The following ERC2 variants were observed in gnomAD, a reference collection of about 807,000 sequenced individuals.
ERC2 encodes the protein ERC protein 2.
In ERC2, 42 loss-of-function variants were observed where a neutral mutation model predicts 114.8. That is an observed-to-expected ratio of 0.37 (90% confidence interval 0.29 to 0.47). ERC2 has a LOEUF of 0.47. Ranked by LOEUF, ERC2 falls within the 20% of genes least tolerant of loss-of-function variation. The pLI is 0.99. For synonymous variants in ERC2, 454 were observed against 425.5 expected, an observed-to-expected ratio of 1.07 and a Z score of -0.82; for missense variants, 939 against 1,150.7, an observed-to-expected ratio of 0.82 and a Z score of 2.66.
intron 3 of ERC2, among the ~76,000 whole-genome samples, chr3:56,280,286 G>A (rs2054262353): frequency 6.6e-6 from 1 of 152,140 alleles, no homozygotes; most frequent in Admixed American, 6.5e-5. Context: ...CTTGATCTTA[G>A]CCCAGTGAAA....
intron 7 of ERC2, 35 bp from the exon 8 acceptor site, chr3:56,019,066 G>T (rs767490308): frequency 1.3e-6 from 2 of 1,540,852 alleles, no homozygotes; most frequent in Non-Finnish European, 1.8e-6. Flanking sequence ...ATGCATATTT[G>T]ATTACATATC....
intron 2 of ERC2, among the ~76,000 whole-genome samples, chr3:56,315,827 A>C (rs1318763193): frequency 3.3e-5 from 5 of 152,072 alleles, no homozygotes; most frequent in Non-Finnish European, 7.4e-5. Context: ...AGGGATATAA[A>C]GAAAGTATCC....
At chr3:56,066,044 A>C (rs1262242578) in intron 7 of ERC2, among the ~76,000 whole-genome samples, 1 of 152,182 alleles carries the variant, frequency 6.6e-6, no homozygotes, top group Non-Finnish European at 1.5e-5. Context: ...AACGATTTAT[A>C]TTCCTTTGGG....
chr3:55,777,170 G>T (rs766660898), intron 14 of ERC2, among the ~76,000 whole-genome samples: 2 of 152,232 alleles, frequency 1.3e-5, no homozygotes, highest in Non-Finnish European at 2.9e-5. Flanking sequence ...AGAGGCACCT[G>T]GCACCCTGTG....
At chr3:56,107,809 T>C (rs1012722754) in intron 6 of ERC2, among the ~76,000 whole-genome samples, 3 of 152,240 alleles carry the variant, frequency 2.0e-5, no homozygotes, top group Non-Finnish European at 4.4e-5. Flanking sequence ...AAATAGTAAC[T>C]GATTCCTACT....
At chr3:56,179,305 G>A (rs1352906580) in intron 3 of ERC2, among the ~76,000 whole-genome samples, 1 of 152,134 alleles carries the variant, frequency 6.6e-6, no homozygotes. Context: ...GAAGTGCAGG[G>A]GTGGGTGGGA....
intron 1 of ERC2, among the ~76,000 whole-genome samples, chr3:56,464,886 G>GAA (rs572140708): frequency 5.8e-5 from 8 of 138,002 alleles, no homozygotes; most frequent in South Asian, 2.3e-4. Context: ...AAAGAAAAAA[G>GAA]AAAAAAAAAA....
intron 17 of ERC2, among the ~76,000 whole-genome samples, chr3:55,618,037 G>A (rs754036529): frequency 4.6e-5 from 7 of 152,052 alleles, no homozygotes; most frequent in South Asian, 2.1e-4. Context: ...TACAAATCTC[G>A]GTGGTGGGAG....
chr3:56,200,971 A>C (rs2048373346), intron 3 of ERC2, among the ~76,000 whole-genome samples: 1 of 152,222 alleles, frequency 6.6e-6, no homozygotes, highest in South Asian at 2.1e-4. Flanking sequence ...TTTAATGGGC[A>C]ATTACTATGT....
chr3:56,023,129 T>C (rs1038845126), intron 7 of ERC2, among the ~76,000 whole-genome samples: 4 of 152,176 alleles, frequency 2.6e-5, no homozygotes, highest in African/African-American at 9.7e-5. Flanking sequence ...CACACAAGTG[T>C]AGTCCTCAGC....
intron 3 of ERC2, 51 bp downstream of exon 3, chr3:56,295,966 CAT>C: frequency 1.0e-5 from 15 of 1,489,170 alleles, no homozygotes; most frequent in Non-Finnish European, 1.3e-5. Context: ...AACTTGATAA[CAT>C]ATTTTCACTT....
intron 1 of ERC2, among the ~76,000 whole-genome samples, chr3:56,460,143 T>G (rs1356859309): frequency 2.6e-5 from 4 of 152,202 alleles, no homozygotes; most frequent in African/African-American, 9.6e-5. Flanking sequence ...CTTCCCCAGC[T>G]GAAAGAATGA....
At chr3:56,374,813 C>T (rs1018317030) in intron 2 of ERC2, among the ~76,000 whole-genome samples, 1 of 152,154 alleles carries the variant, frequency 6.6e-6, no homozygotes, top group Non-Finnish European at 1.5e-5. Flanking sequence ...AGGCTACAAC[C>T]ACCAACACAA....
At chr3:56,141,135 T>C (rs1377327254) in intron 5 of ERC2, among the ~76,000 whole-genome samples, 3 of 152,238 alleles carry the variant, frequency 2.0e-5, no homozygotes, top group Non-Finnish European at 2.9e-5. Flanking sequence ...CTTATGTCAC[T>C]GGTCTTTTAC....
chr3:55,702,592 C>T (rs564609029), intron 15 of ERC2, among the ~76,000 whole-genome samples: 15 of 152,000 alleles, frequency 9.9e-5, no homozygotes, highest in South Asian at 6.3e-4. Flanking sequence ...CCAATTATAC[C>T]GGTTTACACA....
At chr3:56,076,389 T>C in intron 7 of ERC2, among the ~76,000 whole-genome samples, 1 of 151,966 alleles carries the variant, frequency 6.6e-6, no homozygotes, top group East Asian at 1.9e-4. Context: ...CCTAAAATCC[T>C]GGGCATTATA....
chr3:56,109,388 T>C (rs1235738746), intron 6 of ERC2, among the ~76,000 whole-genome samples: 1 of 152,216 alleles, frequency 6.6e-6, no homozygotes, highest in Non-Finnish European at 1.5e-5. Context: ...TTCCATGCTG[T>C]ATATGTACCA....
At position 56,082,752 on chromosome 3, in the gene ERC2, G is replaced by A. The variant is rs151092142; in HGVS notation, c.1474-1768C>T. On this transcript the variant is annotated intron_variant, in intron 6 of 17. Coordinates refer to ENST00000288221, the MANE Select transcript of ERC2 (RefSeq NM_015576.3). ...GGTCCCCAACCCTTGGACCAGTTCC[G>A]GTCCAGGGCCTGTTAGGAACCAGGC... Among the ~76,000 whole-genome samples the A allele has an allele frequency of 8.5e-5, 13 of 152,180 alleles. No individual in the cohort carries two copies. The East Asian group carries it at 9.7e-4, about 11-fold the overall frequency.
intron 3 of ERC2, among the ~76,000 whole-genome samples, chr3:56,196,911 A>T (rs1488407409): frequency 6.6e-6 from 1 of 152,138 alleles, no homozygotes; most frequent in Non-Finnish European, 1.5e-5. Context: ...TGGGAATAAC[A>T]CTGCTAATCC....
Sources: gnomAD v4.1 joint callset for allele counts (sites outside exome capture counted in the v4.1 genomes callset) on GRCh38, gnomAD v4.1.1 for gene constraint, MANE v1.5 for transcripts, NCBI Gene and HGNC (gene_info 2026-07-23, HGNC 2026-07-21) for gene names.